Variants in CPA3 observed in about 807,000 individuals in gnomAD.
CPA3 encodes carboxypeptidase A3.
Under a neutral mutation model 55.8 loss-of-function variants are expected in CPA3, and 52 were observed. The observed-to-expected ratio is 0.93, with a 90% confidence interval of 0.75 to 1.17. The LOEUF is 1.17. Ranked by LOEUF, CPA3 falls within the 50% of genes most tolerant of loss-of-function variation. The pLI, the probability that CPA3 is intolerant of heterozygous loss-of-function variation, is 0.00. For missense variants in CPA3, 547 were observed against 509.1 expected, an observed-to-expected ratio of 1.07 and a Z score of -0.72; for synonymous variants, 179 against 171.2, an observed-to-expected ratio of 1.05 and a Z score of -0.36.
At position 148,865,365 on chromosome 3, in the gene CPA3, C is replaced by T. The variant is rs111765977; in HGVS notation, c.58C>T (p.Arg20Cys). The T allele has an allele frequency of 4.3e-5, 69 of 1,614,012 alleles. No individual in the cohort carries two copies. Among genetic ancestry groups the T allele is most frequent in the African/African-American group, 8.0e-5 (6 of 75,024 alleles). Residue 20 changes from arginine to cysteine, a missense_variant, in exon 1 of 11, where the codon CGC becomes TGC. Coordinates refer to ENST00000296046, the MANE Select transcript of CPA3 (RefSeq NM_001870.4). ...IATTLAIAPV[R>C]FDREKVFRVK... ...TACCACTCTTGCAATTGCTCCTGTC[C>T]GCTTTGACAGGTAAATCTTACTTCC...
chr3:148,891,303 C>T (rs745444874), intron 10 of CPA3, among the ~76,000 whole-genome samples: 4 of 152,006 alleles, frequency 2.6e-5, no homozygotes, highest in Admixed American at 1.3e-4. Flanking sequence ...AAAGAAAAGG[C>T]TAAGTATCAT....
intron 10 of CPA3, among the ~76,000 whole-genome samples, chr3:148,886,693 TA>T (rs927803867): frequency 9.9e-5 from 15 of 152,166 alleles, no homozygotes; most frequent in African/African-American, 2.2e-4. Flanking sequence ...AGACCTCATC[TA>T]AAAAAAATCA....
intron 10 of CPA3, among the ~76,000 whole-genome samples, chr3:148,892,205 A>T (rs1023166372): frequency 6.6e-6 from 1 of 152,114 alleles, no homozygotes; most frequent in African/African-American, 2.4e-5. Context: ...TTCTCTCCTC[A>T]GGTCCCTCCT....
chr3:148,886,283 T>C, intron 10 of CPA3, 106 bp downstream of exon 10: 1 of 705,478 alleles, frequency 1.4e-6, no homozygotes, highest in Non-Finnish European at 2.4e-6. Context: ...CTGGAATTGC[T>C]AATTTAAATT....
intron 3 of CPA3, among the ~76,000 whole-genome samples, chr3:148,875,683 C>T (rs574039170): frequency 1.3e-5 from 2 of 152,144 alleles, no homozygotes; most frequent in South Asian, 2.1e-4. Flanking sequence ...ATTTTTAGAA[C>T]AGTATCTAAA....
intron 10 of CPA3, among the ~76,000 whole-genome samples, chr3:148,891,967 T>G (rs1714683330): frequency 6.6e-6 from 1 of 152,236 alleles, no homozygotes; most frequent in Non-Finnish European, 1.5e-5. Context: ...AGTGGCAATC[T>G]GTTTGATCAC....
chr3:148,888,211 C>G (rs1392670895), intron 10 of CPA3, among the ~76,000 whole-genome samples: 4 of 152,240 alleles, frequency 2.6e-5, no homozygotes, highest in Non-Finnish European at 5.9e-5. Context: ...TCTACATCCT[C>G]AGCAATTGCG....
At position 148,878,710 on chromosome 3, in the gene CPA3, G is replaced by T; in HGVS notation, c.436G>T (p.Gly146Ter). 3.7e-6 allele frequency: 6 copies of T among 1,610,326 alleles called. No homozygotes were observed. Among genetic ancestry groups the T allele is most frequent in the Non-Finnish European group, 4.2e-6 (5 of 1,177,198 alleles). The change falls in exon 5 of 11, where the codon GGA (glycine) becomes TGA (stop). Residue 146 changes from glycine to a stop codon, truncating the protein, a stop_gained. Transcript: ENST00000296046. LOFTEE classifies it high-confidence loss of function. The part of the protein sequence containing the change: ...YPEMVSRIKI[G>*]STVEDNPLYV... ...TGAAATGGTCTCTCGTATTAAAATT[G>T]GATCTACTGTTGAAGATAATCCACT...
At chr3:148,865,752 T>G (rs1030074075) in intron 2 of CPA3, among the ~76,000 whole-genome samples, 8 of 152,160 alleles carry the variant, frequency 5.3e-5, no homozygotes, top group Non-Finnish European at 8.8e-5. Flanking sequence ...CTTCTGTTTT[T>G]CCTCCCAAAA....
At chr3:148,881,708 T>C in intron 7 of CPA3, 76 bp downstream of exon 7, 1 of 749,324 alleles carries the variant, frequency 1.3e-6, no homozygotes, top group Non-Finnish European at 2.1e-6. Context: ...GCATTCAGCT[T>C]AGGGTTTAGG....
At chr3:148,869,706 G>A (rs1202844180) in intron 3 of CPA3, among the ~76,000 whole-genome samples, 1 of 152,206 alleles carries the variant, frequency 6.6e-6, no homozygotes, top group Non-Finnish European at 1.5e-5. Context: ...AATATATTGA[G>A]CAGCAACCAT....
chr3:148,883,301 G>A (rs914953623), intron 8 of CPA3, among the ~76,000 whole-genome samples: 1 of 152,204 alleles, frequency 6.6e-6, no homozygotes, highest in African/African-American at 2.4e-5. Context: ...TAGAGCTGGG[G>A]TTGAATTAGA....
At chr3:148,873,938 T>A (rs9850132) in intron 3 of CPA3, among the ~76,000 whole-genome samples, 68,833 of 152,124 alleles carry the variant, frequency 0.45, 17,445 homozygotes, top group Non-Finnish European at 0.57. Context: ...CTTTCACCTA[T>A]ATTTAGGAAT....
chr3:148,878,487 G>A lies in CPA3; in HGVS notation c.316G>A (p.Val106Ile), dbSNP rs1576581663. The change falls in exon 4 of 11, where the codon GTT (valine) becomes ATT (isoleucine). Residue 106 changes from valine to isoleucine, a missense_variant. Coordinates refer to ENST00000296046, the MANE Select transcript of CPA3 (RefSeq NM_001870.4). The stretch of plus-strand genomic sequence containing the variant: ...AGAAGAGATTGAGAAACAGTTTGAT[G>A]TTAAAGAAGATATCCCAGGCAGGCA... ...LQEEIEKQFD[V>I]KEDIPGRHSY... The A allele has an allele frequency of 2.5e-6, 4 of 1,613,588 alleles. No homozygotes were observed. The highest frequency in any genetic ancestry group is 3.4e-6 in the Non-Finnish European group (4 of 1,179,648).
intron 2 of CPA3, among the ~76,000 whole-genome samples, chr3:148,866,012 A>T (rs1433871186): frequency 6.6e-6 from 1 of 152,214 alleles, no homozygotes; most frequent in African/African-American, 2.4e-5. Context: ...TTAAAGTTAG[A>T]TCAATCCTTT....
At chr3:148,891,379 C>T (rs1476853505) in intron 10 of CPA3, among the ~76,000 whole-genome samples, 1 of 152,044 alleles carries the variant, frequency 6.6e-6, no homozygotes, top group Admixed American at 6.6e-5. Flanking sequence ...ACTCAGGAGG[C>T]TGAGGTGGAA....
At chr3:148,881,434 G>A (rs572610539) in intron 6 of CPA3, 88 bp from the exon 7 acceptor site, 2 of 703,124 alleles carry the variant, frequency 2.8e-6, no homozygotes, top group Admixed American at 2.5e-5. Context: ...CTTGGGAAGT[G>A]ACTCAAGTTA....
In CPA3 at chr3:148,865,519, A is replaced by T. The variant is rs776004966; in HGVS notation, c.115A>T (p.Ile39Phe). Residue 39 changes from isoleucine (I) to phenylalanine (F), a missense_variant, in exon 2 of 11, where the codon ATC becomes TTC. Physicochemically the swap from Ile to Phe is conservative, Grantham distance 21 (BLOSUM62 0). Coordinates refer to ENST00000296046, the MANE Select transcript of CPA3 (RefSeq NM_001870.4). ...GCCCCAGGATGAAAAACAAGCAGAC[A>T]TCATAAAGGACTTGGCCAAAACCAA... ...VKPQDEKQADIIKDLAKTNEL... is the reference protein window; with the variant it reads ...VKPQDEKQADFIKDLAKTNEL... The T allele has an allele frequency of 1.9e-6, 3 of 1,614,056 alleles. No individual in the cohort carries two copies. Among genetic ancestry groups the T allele is most frequent in the Non-Finnish European group, 2.5e-6 (3 of 1,179,980 alleles).
At chr3:148,876,860 T>A (rs752533287) in intron 3 of CPA3, among the ~76,000 whole-genome samples, 7 of 152,202 alleles carry the variant, frequency 4.6e-5, no homozygotes, top group African/African-American at 1.4e-4. Flanking sequence ...CTTGCATATA[T>A]GATGATGACA....
Sources: allele counts gnomAD v4.1 joint callset (sites outside exome capture counted in the v4.1 genomes callset), GRCh38; gene constraint gnomAD v4.1.1; transcripts MANE v1.5; gene names NCBI Gene and HGNC (gene_info 2026-07-23, HGNC 2026-07-21).